Variants in EPG5 observed in about 807,000 individuals in gnomAD.
EPG5 encodes ectopic P-granules 5 autophagy tethering factor.
A neutral mutation model predicts 302.7 loss-of-function variants in EPG5; 159 were observed. The observed-to-expected ratio is 0.53, with a 90% CI of 0.46 to 0.60. The LOEUF is 0.60. EPG5 is among the 20% of genes least tolerant of loss of function. The pLI, the probability that EPG5 is intolerant of heterozygous loss-of-function variation, is 0.00. For synonymous variants in EPG5, 1,158 were observed against 1,136.8 expected (o/e 1.02, Z -0.37); for missense variants, 2,896 against 3,092.4 (o/e 0.94, Z 1.51).
intron 35 of EPG5, among the ~76,000 whole-genome samples, chr18:45,872,158 T>C (rs972393950): frequency 6.6e-6 from 1 of 152,256 alleles, no homozygotes; most frequent in Non-Finnish European, 1.5e-5. Context: ...GTCCATTAAC[T>C]GTCATTCATG....
At chr18:45,902,123 T>C (rs149048549) in intron 25 of EPG5, among the ~76,000 whole-genome samples, 1 of 152,362 alleles carries the variant, frequency 6.6e-6, no homozygotes, top group African/African-American at 2.4e-5. Flanking sequence ...GAATTTCCGA[T>C]TACATTCCAG....
At chr18:45,926,027 AT>A (rs1379726111) in intron 13 of EPG5, 125 bp from the exon 14 acceptor site, 22 of 544,616 alleles carry the variant, frequency 4.0e-5, no homozygotes, top group Non-Finnish European at 6.2e-5. Context: ...TTTTTGTTTA[AT>A]TTTTAGACAA....
chr18:45,942,607 A>C (rs1054602196), intron 9 of EPG5, among the ~76,000 whole-genome samples: 1 of 152,198 alleles, frequency 6.6e-6, no homozygotes, highest in Non-Finnish European at 1.5e-5. Context: ...CATCTCAAAA[A>C]AATAAAAAAA....
chr18:45,816,578 A>G, the EPG5 span, among the ~76,000 whole-genome samples: 1 of 152,246 alleles, frequency 6.6e-6, no homozygotes, highest in Non-Finnish European at 1.5e-5. Flanking sequence ...CCATAATGCG[A>G]TACCACTTAC....
At chr18:45,961,858 C>CAA (rs369369860) in intron 1 of EPG5, among the ~76,000 whole-genome samples, 79 of 98,456 alleles carry the variant, frequency 8.0e-4, no homozygotes, top group African/African-American at 1.6e-3. Flanking sequence ...GACTCTGTCC[C>CAA]AAAAAAAAAA....
At chr18:45,967,073 G>A in intron 1 of EPG5, 104 bp downstream of exon 1, 1 of 1,130,360 alleles carries the variant, frequency 8.8e-7, no homozygotes. Flanking sequence ...GGAAGATGCA[G>A]AGGGCTCAGG....
At chr18:45,947,040 T>C (rs765634055) in intron 6 of EPG5, among the ~76,000 whole-genome samples, 4 of 152,190 alleles carry the variant, frequency 2.6e-5, no homozygotes, top group East Asian at 1.9e-4. Context: ...TCAATACATA[T>C]GCTGCGGACC....
chr18:45,887,165 A>AT (rs1318632167), intron 29 of EPG5, among the ~76,000 whole-genome samples: 1 of 152,204 alleles, frequency 6.6e-6, no homozygotes, highest in African/African-American at 2.4e-5. Flanking sequence ...AATCTGTATG[A>AT]TTACCCTTAC....
Position 45,878,480 on chromosome 18 carries a change from T to A in EPG5, c.5870-32A>T, listed in dbSNP as rs368264994. ...AGTTTTAGAGACAAAACAAAGGTCA[T>A]CATTTGTCATTTGTCAATATCACTG... On this transcript the variant is annotated intron_variant, in intron 33 of 43. Coordinates refer to ENST00000282041, the MANE Select transcript of EPG5 (RefSeq NM_020964.3). The A allele has an allele frequency of 6.8e-6, 9 of 1,329,302 alleles. No individual in the cohort carries two copies. The African/African-American group carries it at 1.3e-4, about 19-fold the overall frequency. The allele number at this position is 1,329,302 out of a possible 1,614,324, so 82.3% of individuals were successfully genotyped here. A position where few individuals can be genotyped will look rare whatever the true frequency, so the allele number is the denominator to read the frequency against.
In EPG5 at chr18:45,947,804, G is replaced by A. The variant is rs574769192; in HGVS notation, c.1571+699C>T. On this transcript the variant is annotated intron_variant, in intron 6 of 43. Transcript: ENST00000282041. ...TTTTTTTTCTTTCAGTTGGAATTTCGCTCTATCACGCAGGCTGGAGTGCAG... is the reference window on the plus strand; with the variant it reads ...TTTTTTTTCTTTCAGTTGGAATTTCACTCTATCACGCAGGCTGGAGTGCAG... 5.3e-5 allele frequency among the ~76,000 whole-genome samples: 8 copies of A among 150,780 alleles called. No individual in the cohort carries two copies. The South Asian group carries it at 1.3e-3, about 24-fold the overall frequency.
At chr18:45,905,850 T>C (rs1043410812) in intron 24 of EPG5, among the ~76,000 whole-genome samples, 1 of 152,148 alleles carries the variant, frequency 6.6e-6, no homozygotes, top group African/African-American at 2.4e-5. Context: ...GTACCTACCA[T>C]GTACAAAGCC....
chr18:45,840,353 T>C, the EPG5 span: 1 of 1,247,624 alleles, frequency 8.0e-7, no homozygotes, highest in Admixed American at 2.3e-5. Flanking sequence ...GCTGGGGTCC[T>C]ACTTTGACCA....
the EPG5 span, among the ~76,000 whole-genome samples, chr18:45,818,640 A>C: frequency 2.6e-5 from 4 of 152,134 alleles, no homozygotes; most frequent in African/African-American, 9.7e-5. Context: ...GTAAAACAAA[A>C]GAAACTAGTC....
chr18:45,863,470 CT>C (rs1209132005), intron 39 of EPG5, among the ~76,000 whole-genome samples: 1 of 152,148 alleles, frequency 6.6e-6, no homozygotes, highest in African/African-American at 2.4e-5. Context: ...AATATTCATA[CT>C]TTAATCAAGG....
Position 45,872,502 on chromosome 18 carries a change from G to A in EPG5, c.6050-1760C>T, listed in dbSNP as rs146281106. Among the ~76,000 whole-genome samples, 967 of 152,198 alleles carry A rather than the reference G, an allele frequency of 6.4e-3. 7 individuals are homozygous for A. Among genetic ancestry groups the A allele is most frequent in the Non-Finnish European group, 0.011 (768 of 67,998 alleles). On this transcript the variant is annotated intron_variant, in intron 35 of 43. Transcript: ENST00000282041. The stretch of plus-strand genomic sequence containing the variant: ...GCAGATCACTTTAGGTCAGGAGTTC[G>A]AGACTAACCTGGCCAACATGGTGAA...
intron 22 of EPG5, 77 bp from the exon 23 acceptor site, chr18:45,910,819 T>C: frequency 8.9e-7 from 1 of 1,120,814 alleles, no homozygotes; most frequent in South Asian, 1.5e-5. Flanking sequence ...TAGCAGTTAA[T>C]TAGCAAGGCA....
At chr18:45,857,460 G>A (rs2080489081) in intron 42 of EPG5, among the ~76,000 whole-genome samples, 1 of 152,122 alleles carries the variant, frequency 6.6e-6, no homozygotes, top group South Asian at 2.1e-4. Context: ...ACTAGACTGA[G>A]TCCCTCACAG....
the EPG5 span, chr18:45,829,042 C>T: frequency 1.0e-6 from 1 of 964,952 alleles, no homozygotes; most frequent in African/African-American, 1.8e-5. Flanking sequence ...GTGAAGGGAG[C>T]AGGGATCACT....
At chr18:45,826,226 T>C in the EPG5 span, among the ~76,000 whole-genome samples, 10 of 151,362 alleles carry the variant, frequency 6.6e-5, no homozygotes, top group African/African-American at 9.7e-5. Flanking sequence ...GAGGGGGTGA[T>C]TTCATGTGGG....
Sources: allele counts gnomAD v4.1 joint callset (sites outside exome capture counted in the v4.1 genomes callset), GRCh38; gene constraint gnomAD v4.1.1; transcripts MANE v1.5; gene names NCBI Gene and HGNC (gene_info 2026-07-23, HGNC 2026-07-21).